NCOA7: variants seen among roughly 807,000 people sequenced by gnomAD.
NCOA7 encodes the protein 140 kDa estrogen receptor-associated protein.
In NCOA7, 45 loss-of-function variants were observed where a neutral mutation model predicts 104.3. The observed-to-expected ratio is 0.43, with a 90% CI of 0.34 to 0.55. NCOA7 has a LOEUF of 0.55. NCOA7 is among the 20% of genes least tolerant of loss of function. NCOA7 has a pLI of 0.02. For missense variants in NCOA7, 1,041 were observed against 1,119.7 expected, an observed-to-expected ratio of 0.93 and a Z score of 1.00; for synonymous variants, 398 against 402.3, an observed-to-expected ratio of 0.99 and a Z score of 0.13.
At position 125,855,244 on chromosome 6, in the gene NCOA7, A is replaced by C; in HGVS notation, c.271+4A>C. 6.3e-7 allele frequency: 1 copy of C among 1,595,746 alleles called. No homozygotes were observed. The highest frequency in any genetic ancestry group is 8.6e-7 in the Non-Finnish European group (1 of 1,166,586). ...CTAAAGAGATATTATAGTATTGGTG[A>C]GTATTCATGGCGTTACTGCAGTATT... On this transcript the variant is annotated splice_donor_region_variant and intron_variant, in intron 3 of 15. Transcript: ENST00000392477.
chr6:125,792,024 G>A (rs1419957433), intron 1 of NCOA7, among the ~76,000 whole-genome samples: 3 of 152,158 alleles, frequency 2.0e-5, no homozygotes, highest in Non-Finnish European at 4.4e-5. Context: ...GAGATTTGGA[G>A]AAGTGACTCA....
upstream of NCOA7, among the ~76,000 whole-genome samples, chr6:125,789,515 A>G (rs1247399268): frequency 1.3e-5 from 2 of 152,226 alleles, no homozygotes; most frequent in African/African-American, 2.4e-5. Flanking sequence ...ATACAATGCA[A>G]TCAGCTCTTT....
At chr6:125,860,461 C>G (rs949202976) in intron 3 of NCOA7, among the ~76,000 whole-genome samples, 2 of 152,150 alleles carry the variant, frequency 1.3e-5, no homozygotes, top group African/African-American at 4.8e-5. Flanking sequence ...GATTCTCATG[C>G]CTCAGCTTCC....
chr6:125,889,132 A>T lies in NCOA7; in HGVS notation c.1078A>T (p.Thr360Ser), dbSNP rs1562142934. 1.2e-6 allele frequency: 2 copies of T among 1,614,176 alleles called. No individual in the cohort carries two copies. Among genetic ancestry groups the T allele is most frequent in the South Asian group, 2.2e-5 (2 of 91,088 alleles). The change falls in exon 9 of 16, where the codon ACA becomes TCA. Residue 360 changes from threonine (T) to serine (S), a missense_variant. Thr to Ser is a moderately conservative substitution (Grantham distance 58). Coordinates refer to ENST00000392477, the MANE Select transcript of NCOA7 (RefSeq NM_181782.5). The part of the protein sequence containing the change: ...PLEKSTGHTP[T>S]KPSGSSVSEK... The stretch of plus-strand genomic sequence containing the variant: ...GGAGAAGTCCACAGGACATACACCT[A>T]CAAAGCCCTCAGGCAGCTCTGTGTC...
intron 1 of NCOA7, among the ~76,000 whole-genome samples, chr6:125,805,160 A>G (rs563540590): frequency 1.6e-3 from 226 of 137,902 alleles, no homozygotes; most frequent in African/African-American, 5.9e-3. Context: ...CAATGGCACG[A>G]TCTCGGCTCA....
intron 13 of NCOA7, among the ~76,000 whole-genome samples, chr6:125,923,452 A>T (rs573845779): frequency 4.6e-5 from 7 of 152,294 alleles, no homozygotes; most frequent in Middle Eastern, 3.4e-3. Context: ...CTGCACTGTT[A>T]TCTCTTCCCG....
intron 2 of NCOA7, among the ~76,000 whole-genome samples, chr6:125,842,052 G>C (rs1475095799): frequency 6.6e-6 from 1 of 152,194 alleles, no homozygotes; most frequent in African/African-American, 2.4e-5. Context: ...TTTTAAAGTT[G>C]AGAGGAGAGA....
chr6:125,886,756 A>G (rs979207832), intron 8 of NCOA7, among the ~76,000 whole-genome samples: 2 of 152,276 alleles, frequency 1.3e-5, no homozygotes, highest in Non-Finnish European at 2.9e-5. Context: ...TACTTAAAAC[A>G]TCATTATTAC....
At chr6:125,791,818 T>C (rs1170235043) in intron 1 of NCOA7, among the ~76,000 whole-genome samples, 1 of 152,218 alleles carries the variant, frequency 6.6e-6, no homozygotes, top group Non-Finnish European at 1.5e-5. Flanking sequence ...AACTCGATGT[T>C]ATGCTCTGTA....
rs138183192 is a variant in NCOA7 at position 125,812,941 on chromosome 6, C to G, written c.-64-2350C>G. Among the ~76,000 whole-genome samples, 27 of 152,298 alleles carry G rather than the reference C, an allele frequency of 1.8e-4. No individual in the cohort carries two copies. In the East Asian group the frequency reaches 5.2e-3, roughly 29 times the overall value. ...CTAAGTATTTCTTGAGTCCATCCCT[C>G]CTCTTTCTATGTCAACTACTGCTGC... On this transcript the variant is annotated intron_variant, in intron 1 of 15. Coordinates refer to ENST00000392477, the MANE Select transcript of NCOA7 (RefSeq NM_181782.5).
chr6:125,827,661 GT>G (rs948298759), intron 2 of NCOA7, among the ~76,000 whole-genome samples: 4 of 152,284 alleles, frequency 2.6e-5, no homozygotes, highest in African/African-American at 7.2e-5. Context: ...TAATCTGTGT[GT>G]TTAGGAGAAG....
intron 3 of NCOA7, among the ~76,000 whole-genome samples, chr6:125,858,156 C>T (rs1358293415): frequency 1.3e-5 from 2 of 151,888 alleles, no homozygotes; most frequent in African/African-American, 4.8e-5. Flanking sequence ...TGACTTAGAC[C>T]CTAGAGTATT....
intron 1 of NCOA7, among the ~76,000 whole-genome samples, chr6:125,801,832 C>A (rs1775914828): frequency 6.6e-6 from 1 of 152,208 alleles, no homozygotes; most frequent in Non-Finnish European, 1.5e-5. Flanking sequence ...GTGATTTCAT[C>A]TTAACTAACT....
At chr6:125,876,153 AC>A (rs1282601541) in intron 4 of NCOA7, among the ~76,000 whole-genome samples, 6 of 152,304 alleles carry the variant, frequency 3.9e-5, no homozygotes, top group Non-Finnish European at 7.3e-5. Flanking sequence ...GCAATGCCAG[AC>A]CCTATATAAG....
intron 10 of NCOA7, among the ~76,000 whole-genome samples, chr6:125,906,056 G>A (rs948634257): frequency 3.9e-5 from 6 of 152,100 alleles, no homozygotes; most frequent in African/African-American, 1.4e-4. Context: ...TCCCACCTCG[G>A]CTTCCCAAAG....
intron 10 of NCOA7, among the ~76,000 whole-genome samples, chr6:125,912,539 T>G (rs1419562035): frequency 1.3e-5 from 2 of 152,142 alleles, no homozygotes; most frequent in African/African-American, 2.4e-5. Context: ...GGCCCTGAGC[T>G]CTGGGGGCCC....
chr6:125,872,454 A>G (rs748616256), intron 3 of NCOA7, among the ~76,000 whole-genome samples: 1 of 152,224 alleles, frequency 6.6e-6, no homozygotes, highest in Non-Finnish European at 1.5e-5. Flanking sequence ...TAAAGAGACT[A>G]TTCTGAAAGC....
chr6:125,846,599 A>G (rs1265857404), intron 2 of NCOA7, among the ~76,000 whole-genome samples: 1 of 152,192 alleles, frequency 6.6e-6, no homozygotes, highest in African/African-American at 2.4e-5. Context: ...TGCACAATCC[A>G]TTGAAGCCCA....
rs72971817 is a variant in NCOA7, at chr6:125,926,865, A to G, written c.2524-798A>G. On this transcript the variant is annotated intron_variant, in intron 13 of 15. Coordinates refer to ENST00000392477, the MANE Select transcript of NCOA7 (RefSeq NM_181782.5). ...TCACCTAGGGACATTTTCAGAATAC[A>G]TATGCTCACCCCTGCAAGTGCTGAT... Among the ~76,000 whole-genome samples, 1,484 of 152,356 alleles carry G rather than the reference A, an allele frequency of 9.7e-3. 6 individuals carry two copies. Among genetic ancestry groups the G allele is most frequent in the Middle Eastern group, 0.017 (5 of 294 alleles).
Sources: gnomAD v4.1 joint callset for allele counts (sites outside exome capture counted in the v4.1 genomes callset) on GRCh38, gnomAD v4.1.1 for gene constraint, MANE v1.5 for transcripts, NCBI Gene and HGNC (gene_info 2026-07-23, HGNC 2026-07-21) for gene names.